The following SPAG16 variants were observed in gnomAD, a reference collection of about 807,000 sequenced individuals.
SPAG16 encodes the protein sperm-associated antigen 16 protein.
In SPAG16, 86 loss-of-function variants were observed where a neutral mutation model predicts 80.4. That is an observed-to-expected ratio of 1.07 (90% confidence interval 0.90 to 1.28). The LOEUF is 1.28. Among genes scored for constraint, SPAG16 ranks in the 50% most tolerant of loss-of-function variants. The pLI is 0.00. For synonymous variants in SPAG16, 294 were observed against 265.9 expected, an observed-to-expected ratio of 1.11 and a Z score of -1.03; for missense variants, 870 against 765.3, an observed-to-expected ratio of 1.14 and a Z score of -1.61.
chr2:213,464,447 C>T (rs1265001139), intron 9 of SPAG16, among the ~76,000 whole-genome samples: 13 of 152,146 alleles, frequency 8.5e-5, no homozygotes, highest in Admixed American at 8.5e-4. Flanking sequence ...GAATGAGAGG[C>T]TGTTATTGCC....
At chr2:214,052,950 T>C (rs1405610419) in intron 13 of SPAG16, among the ~76,000 whole-genome samples, 1 of 152,224 alleles carries the variant, frequency 6.6e-6, no homozygotes, top group Non-Finnish European at 1.5e-5. Flanking sequence ...TCTCTAGAAA[T>C]GACAGAGTTT....
chr2:213,708,349 T>C (rs1247910580), intron 10 of SPAG16, among the ~76,000 whole-genome samples: 1 of 152,194 alleles, frequency 6.6e-6, no homozygotes, highest in East Asian at 1.9e-4. Flanking sequence ...ATAGAAATAG[T>C]AGCACTTAAG....
At chr2:214,168,301 A>T (rs1180641415) in intron 15 of SPAG16, among the ~76,000 whole-genome samples, 1 of 151,774 alleles carries the variant, frequency 6.6e-6, no homozygotes, top group Non-Finnish European at 1.5e-5. Context: ...CAGTTCCTTA[A>T]TTTTTCTATG....
intron 10 of SPAG16, among the ~76,000 whole-genome samples, chr2:213,566,118 C>T (rs2059753654): frequency 6.6e-6 from 1 of 152,048 alleles, no homozygotes; most frequent in Non-Finnish European, 1.5e-5. Context: ...TGATAAACTT[C>T]AGAGTATGGC....
chr2:213,841,757 A>G (rs1426012609), intron 10 of SPAG16, among the ~76,000 whole-genome samples: 2 of 152,104 alleles, frequency 1.3e-5, no homozygotes, highest in Non-Finnish European at 2.9e-5. Flanking sequence ...GCATTATTAG[A>G]CCTTCAAAAC....
At chr2:213,999,684 C>A (rs2046696202) in intron 12 of SPAG16, among the ~76,000 whole-genome samples, 1 of 152,190 alleles carries the variant, frequency 6.6e-6, no homozygotes, top group Non-Finnish European at 1.5e-5. Context: ...CGATGCCAGC[C>A]CATGAAAGGA....
chr2:214,140,787 T>A, intron 14 of SPAG16, among the ~76,000 whole-genome samples: 1 of 152,054 alleles, frequency 6.6e-6, no homozygotes, highest in East Asian at 1.9e-4. Flanking sequence ...TATTCCTTTA[T>A]TTTCACTCTT....
intron 10 of SPAG16, among the ~76,000 whole-genome samples, chr2:213,724,089 G>A (rs536389539): frequency 2.6e-5 from 4 of 152,212 alleles, no homozygotes; most frequent in African/African-American, 9.6e-5. Flanking sequence ...AGTGAAAACA[G>A]ACATAGGTCT....
chr2:213,399,614 C>G (rs949809571), intron 9 of SPAG16, among the ~76,000 whole-genome samples: 6 of 151,842 alleles, frequency 4.0e-5, no homozygotes, highest in African/African-American at 1.4e-4. Flanking sequence ...TAAAATTGAT[C>G]TTTAATTTTC....
At chr2:213,643,176 T>A (rs1247549387) in intron 10 of SPAG16, among the ~76,000 whole-genome samples, 1 of 150,854 alleles carries the variant, frequency 6.6e-6, no homozygotes, top group Non-Finnish European at 1.5e-5. Flanking sequence ...AGTCTTTATT[T>A]CTCTATGTTT....
intron 12 of SPAG16, among the ~76,000 whole-genome samples, chr2:213,946,027 T>C (rs961374954): frequency 5.3e-5 from 8 of 152,226 alleles, no homozygotes; most frequent in African/African-American, 1.4e-4. Context: ...GCTTCTTCAG[T>C]TGAGCTAGGT....
chr2:214,323,116 T>C (rs1379924572), intron 15 of SPAG16, among the ~76,000 whole-genome samples: 4 of 152,166 alleles, frequency 2.6e-5, no homozygotes, highest in African/African-American at 7.2e-5. Flanking sequence ...GTACCTATCC[T>C]GTTGAGGATG....
intron 9 of SPAG16, among the ~76,000 whole-genome samples, chr2:213,480,868 TAAC>T (rs1407271083): frequency 6.6e-6 from 1 of 152,182 alleles, no homozygotes; most frequent in East Asian, 1.9e-4. Flanking sequence ...TATTATTACA[TAAC>T]AAGCTTATCA....
intron 15 of SPAG16, among the ~76,000 whole-genome samples, chr2:214,369,467 A>G (rs1699681479): frequency 6.6e-6 from 1 of 152,102 alleles, no homozygotes; most frequent in Non-Finnish European, 1.5e-5. Flanking sequence ...CAGACACTTG[A>G]TAATGATTCT....
intron 15 of SPAG16, among the ~76,000 whole-genome samples, chr2:214,162,879 G>A (rs181523778): frequency 1.2e-4 from 19 of 152,144 alleles, no homozygotes; most frequent in African/African-American, 4.3e-4. Flanking sequence ...TCTGCATTAA[G>A]TTCATCTTCT....
intron 11 of SPAG16, among the ~76,000 whole-genome samples, chr2:213,907,079 T>C (rs2077462300): frequency 6.6e-6 from 1 of 152,094 alleles, no homozygotes; most frequent in South Asian, 2.1e-4. Flanking sequence ...AGATAACCTG[T>C]TGAATGGAAG....
chr2:214,204,821 G>A (rs535970101), intron 15 of SPAG16, among the ~76,000 whole-genome samples: 8 of 152,264 alleles, frequency 5.3e-5, no homozygotes, highest in South Asian at 2.1e-4. Flanking sequence ...GTAATGGATC[G>A]AAACCAAGAA....
intron 13 of SPAG16, among the ~76,000 whole-genome samples, chr2:214,099,079 A>G (rs1478358994): frequency 6.6e-6 from 1 of 152,238 alleles, no homozygotes; most frequent in East Asian, 1.9e-4. Flanking sequence ...TTAATTAGAT[A>G]GGTTTAAAAC....
At chr2:214,002,714 C>T (rs996011013) in intron 12 of SPAG16, among the ~76,000 whole-genome samples, 34 of 152,132 alleles carry the variant, frequency 2.2e-4, no homozygotes, top group Admixed American at 1.3e-4. Context: ...CTCTGATATC[C>T]GACAGCAGGA....
Sources: gnomAD v4.1 joint callset for allele counts (sites outside exome capture counted in the v4.1 genomes callset) on GRCh38, gnomAD v4.1.1 for gene constraint, MANE v1.5 for transcripts, NCBI Gene and HGNC (gene_info 2026-07-23, HGNC 2026-07-21) for gene names.